The following DOCK3 variants were observed in gnomAD, a reference collection of about 807,000 sequenced individuals.
DOCK3 encodes the protein dedicator of cytokinesis protein 3.
A neutral mutation model predicts 265.6 loss-of-function variants in DOCK3; 60 were observed. The ratio of observed to expected loss-of-function variants is 0.23; its 90% CI spans 0.18 to 0.28. The LOEUF (loss-of-function observed/expected upper bound fraction) is 0.28. Among genes scored for constraint, DOCK3 ranks in the 10% least tolerant of loss-of-function variants. The pLI is 1.00. For synonymous variants in DOCK3, 881 were observed against 938.0 expected (o/e 0.94, Z 1.11); for missense variants, 1,981 against 2,594.3 (o/e 0.76, Z 5.14).
At chr3:50,749,690 A>G (rs1468148438) in intron 1 of DOCK3, among the ~76,000 whole-genome samples, 1 of 152,176 alleles carries the variant, frequency 6.6e-6, no homozygotes. Flanking sequence ...TCTTTATGCT[A>G]AAAAGAAAGG....
At chr3:51,163,786 A>T (rs1303257517) in intron 12 of DOCK3, among the ~76,000 whole-genome samples, 1 of 152,224 alleles carries the variant, frequency 6.6e-6, no homozygotes, top group African/African-American at 2.4e-5. Flanking sequence ...TTAAATTTTT[A>T]ATTTGGATTA....
At chr3:51,002,965 T>C (rs994299840) in intron 5 of DOCK3, among the ~76,000 whole-genome samples, 6 of 152,206 alleles carry the variant, frequency 3.9e-5, no homozygotes, top group Non-Finnish European at 7.3e-5. Context: ...CTGGAAAGCA[T>C]TATTTAAGTC....
chr3:51,120,785 C>T (rs2083977702), intron 9 of DOCK3, among the ~76,000 whole-genome samples: 1 of 152,170 alleles, frequency 6.6e-6, no homozygotes, highest in Non-Finnish European at 1.5e-5. Context: ...ACCACCTACT[C>T]AAGCCTCAGT....
chr3:50,980,250 G>A (rs1231867028), intron 5 of DOCK3, among the ~76,000 whole-genome samples: 2 of 152,150 alleles, frequency 1.3e-5, no homozygotes, highest in African/African-American at 2.4e-5. Context: ...TTGCTGTGAT[G>A]TATCACATTT....
chr3:50,921,340 T>G (rs1265591921), intron 4 of DOCK3, among the ~76,000 whole-genome samples: 1 of 152,172 alleles, frequency 6.6e-6, no homozygotes, highest in Non-Finnish European at 1.5e-5. Flanking sequence ...TTGATCAAAT[T>G]GGCTGCTGAA....
chr3:51,088,077 A>G (rs2082496589), intron 7 of DOCK3, among the ~76,000 whole-genome samples: 1 of 152,234 alleles, frequency 6.6e-6, no homozygotes, highest in African/African-American at 2.4e-5. Context: ...CATAAAAAGA[A>G]TGAAATACTG....
In DOCK3 at chr3:51,380,173, C is replaced by T. The variant is rs782210179; in HGVS notation, c.5549C>T (p.Thr1850Ile). The T allele has an allele frequency of 1.9e-6, 3 of 1,606,210 alleles. No individual in the cohort carries two copies. Among genetic ancestry groups the T allele is most frequent in the Middle Eastern group, 1.7e-4 (1 of 6,042 alleles). The change falls in exon 52 of 53, where the codon ACC (threonine) becomes ATC (isoleucine). Residue 1850 changes from threonine to isoleucine, a missense_variant. By Grantham distance (89) the Thr-to-Ile change is moderately conservative. Coordinates refer to ENST00000266037, the MANE Select transcript of DOCK3 (RefSeq NM_004947.5). ...GCCTTCCACCACCCTCTGGGTGATA[C>T]CCCCCCAGCCCTCCCTGCCCGGACC... ...FDAFHHPLGD[T>I]PPALPARTLR...
intron 9 of DOCK3, among the ~76,000 whole-genome samples, chr3:51,118,481 G>A (rs2083855065): frequency 6.6e-6 from 1 of 152,112 alleles, no homozygotes. Context: ...GGTTTGCTTG[G>A]TCCAGAGCTG....
chr3:51,145,800 A>G (rs779069846), intron 9 of DOCK3, among the ~76,000 whole-genome samples: 6 of 152,012 alleles, frequency 3.9e-5, no homozygotes, highest in African/African-American at 7.2e-5. Flanking sequence ...ATGGAAGCCA[A>G]TTTTTCCATA....
At chr3:50,836,658 A>G (rs2045530253) in intron 2 of DOCK3, among the ~76,000 whole-genome samples, 1 of 152,162 alleles carries the variant, frequency 6.6e-6, no homozygotes, top group Non-Finnish European at 1.5e-5. Flanking sequence ...GACATGCCCC[A>G]GAGACACTTT....
chr3:51,275,342 C>A, intron 25 of DOCK3, 136 bp downstream of exon 25: 1 of 1,341,316 alleles, frequency 7.5e-7, no homozygotes, highest in Non-Finnish European at 1.0e-6. Flanking sequence ...GGAAGGTGCC[C>A]AAGTGAATGG....
At chr3:50,886,937 A>AT (rs1319039640) in intron 3 of DOCK3, among the ~76,000 whole-genome samples, 2 of 152,134 alleles carry the variant, frequency 1.3e-5, no homozygotes, top group Non-Finnish European at 2.9e-5. Flanking sequence ...ACACCCTAAC[A>AT]TCACAATTAA....
chr3:51,040,830 A>G (rs2080451968), intron 5 of DOCK3, among the ~76,000 whole-genome samples: 1 of 152,056 alleles, frequency 6.6e-6, no homozygotes. Context: ...TCATCCATAA[A>G]ATGCAACTCC....
chr3:51,330,350 C>T (rs2084432780), intron 33 of DOCK3, 127 bp downstream of exon 33: 2 of 750,222 alleles, frequency 2.7e-6, no homozygotes, highest in Admixed American at 2.7e-5. Context: ...TGGGTTGTTC[C>T]TGATGGTAGC....
chr3:51,328,951 A>C (rs1825002), intron 32 of DOCK3, among the ~76,000 whole-genome samples: 127,548 of 152,064 alleles, frequency 0.84, 53,755 homozygotes, highest in East Asian at 0.94. Flanking sequence ...TCAGGAATTC[A>C]ATACCAGCCT....
chr3:50,987,575 A>G (rs989005909), intron 5 of DOCK3, among the ~76,000 whole-genome samples: 2 of 152,234 alleles, frequency 1.3e-5, no homozygotes, highest in African/African-American at 2.4e-5. Context: ...ACCGGAAGCA[A>G]CTAGTGTACG....
intron 9 of DOCK3, among the ~76,000 whole-genome samples, chr3:51,114,720 G>A (rs1156894139): frequency 6.6e-6 from 1 of 152,006 alleles, no homozygotes; most frequent in Non-Finnish European, 1.5e-5. Context: ...TTGTTACATA[G>A]GTATACATGT....
chr3:51,248,924 C>T (rs2078991986), intron 22 of DOCK3, among the ~76,000 whole-genome samples: 1 of 151,360 alleles, frequency 6.6e-6, no homozygotes, highest in African/African-American at 2.4e-5. Context: ...GCCCGGCCGC[C>T]CCATCTGAGA....
chr3:51,381,411 T>G lies in DOCK3; in HGVS notation c.5945T>G (p.Leu1982Arg), dbSNP rs201401537. Residue 1982 changes from leucine (L) to arginine (R), a missense_variant, in exon 53 of 53, where the codon CTG becomes CGG. Transcript: ENST00000266037. This position sits in a 1 kb window ranked among gnomAD's most constrained non-coding sequence, Gnocchi z 5.6. Reference sequence around the variant, plus strand: ...CCGCCCAAGCCCTACCACCCCCGCCTGCCGGCCCTGGAGCACGATGAGGGG... The same window carrying G: ...CCGCCCAAGCCCTACCACCCCCGCCGGCCGGCCCTGGAGCACGATGAGGGG... ...ALPPKPYHPR[L>R]PALEHDEGVL... is the part of the protein sequence containing the mutation. 165 of 1,612,266 alleles carry G rather than the reference T, an allele frequency of 1.0e-4. No individual in the cohort carries two copies. Among genetic ancestry groups the G allele is most frequent in the Non-Finnish European group, 1.3e-4 (150 of 1,179,606 alleles).
Sources: allele counts gnomAD v4.1 joint callset (sites outside exome capture counted in the v4.1 genomes callset), GRCh38; gene constraint gnomAD v4.1.1; non-coding constraint Gnocchi (gnomAD v3.1); transcripts MANE v1.5; gene names NCBI Gene and HGNC (gene_info 2026-07-23, HGNC 2026-07-21).